Variants in MYO1A observed in about 807,000 individuals in gnomAD.
MYO1A encodes myosin IA, also known as unconventional myosin-Ia.
MYO1A carries 127 observed loss-of-function variants against 138.5 expected under a neutral mutation model. That is an observed-to-expected ratio of 0.92 (90% CI 0.79 to 1.06). The LOEUF is 1.06. Ranked by LOEUF, MYO1A falls within the 50% of genes least tolerant of loss-of-function variation. The probability of loss-of-function intolerance (pLI) is 0.00; values close to 1 mark genes in which losing one functional copy is unlikely to be tolerated. For missense variants in MYO1A, 1,211 were observed against 1,288.8 expected, an observed-to-expected ratio of 0.94 and a Z score of 0.92; for synonymous variants, 477 against 497.5, an observed-to-expected ratio of 0.96 and a Z score of 0.55.
Position 57,038,808 on chromosome 12 carries a change from C to T in MYO1A, c.1533+1G>A. The T allele has an allele frequency of 6.2e-7, 1 of 1,614,192 alleles. No homozygotes were observed. Among genetic ancestry groups the T allele is most frequent in the Non-Finnish European group, 8.5e-7 (1 of 1,180,034 alleles). ...TCTGCCCTCCAGCCCTGCCATTTCACCTTGCCCGCATAGTGGCAGATGCGG... is the reference window on the plus strand; with the variant it reads ...TCTGCCCTCCAGCCCTGCCATTTCATCTTGCCCGCATAGTGGCAGATGCGG... On this transcript the variant is annotated splice_donor_variant, in intron 16 of 27. Transcript: ENST00000300119. LOFTEE classifies it high-confidence loss of function.
chr12:57,039,055 G>T, intron 15 of MYO1A, 46 bp from the exon 16 acceptor site: 1 of 1,593,036 alleles, frequency 6.3e-7, no homozygotes, highest in East Asian at 2.3e-5. Flanking sequence ...CTGGTCCTCC[G>T]AGATGTCCAC....
In MYO1A at chr12:57,029,956, G is replaced by C. The variant is rs1317149595; in HGVS notation, c.2592-84C>G. On this transcript the variant is annotated intron_variant, in intron 24 of 27. Coordinates refer to ENST00000300119, the MANE Select transcript of MYO1A (RefSeq NM_005379.4). ...CAGAGTTCCCATCCTAGTCCTCCCGGGCCCTTCCCCCACATCCACGTATCC... is the reference window on the plus strand; with the variant it reads ...CAGAGTTCCCATCCTAGTCCTCCCGCGCCCTTCCCCCACATCCACGTATCC... 46 of 1,602,866 alleles carry C rather than the reference G, an allele frequency of 2.9e-5. No homozygotes were observed. In the East Asian group the frequency reaches 8.7e-4, roughly 30 times the overall value.
intron 8 of MYO1A, among the ~76,000 whole-genome samples, chr12:57,044,875 A>G (rs2031026933): frequency 6.6e-6 from 1 of 152,198 alleles, no homozygotes; most frequent in Non-Finnish European, 1.5e-5. Context: ...CGGTGAAGGT[A>G]AGGGGAGAAG....
chr12:57,036,436 A>AATC (rs2030550225), intron 21 of MYO1A, 55 bp from the exon 22 acceptor site: 3 of 1,550,288 alleles, frequency 1.9e-6, no homozygotes, highest in Non-Finnish European at 2.7e-6. Flanking sequence ...ATTCTAGAAG[A>AATC]GGTTGTACTA....
intron 22 of MYO1A, among the ~76,000 whole-genome samples, chr12:57,032,992 G>GAC (rs1013842382): frequency 1.3e-5 from 2 of 152,018 alleles, no homozygotes; most frequent in East Asian, 3.9e-4. Context: ...TGTGTGCTCT[G>GAC]ACACACACAC....
At chr12:57,034,744 G>A (rs1209734682) in intron 22 of MYO1A, among the ~76,000 whole-genome samples, 3 of 152,052 alleles carry the variant, frequency 2.0e-5, no homozygotes, top group African/African-American at 7.3e-5. Context: ...CGAGATGGGC[G>A]GGTCACTTGA....
chr12:57,043,828 A>G (rs1224733139), intron 10 of MYO1A, 28 bp downstream of exon 10: 5 of 1,613,980 alleles, frequency 3.1e-6, no homozygotes, highest in Non-Finnish European at 4.2e-6. Flanking sequence ...GGGTCTGGGT[A>G]GGAGCTCCAG....
chr12:57,048,201 G>A lies in MYO1A; in HGVS notation c.114+9C>T, dbSNP rs2031202017. On this transcript the variant is annotated intron_variant, in intron 2 of 27. Transcript: ENST00000300119. ...TATCCACAGCCAGAGGCACCCATAT[G>A]ACACTCACATAAATCTCCTTGTTTT... 1.2e-6 allele frequency: 2 copies of A among 1,610,502 alleles called. No homozygotes were observed. Among genetic ancestry groups the A allele is most frequent in the African/African-American group, 1.3e-5 (1 of 74,856 alleles).
intron 14 of MYO1A, among the ~76,000 whole-genome samples, chr12:57,039,600 T>C (rs1371752431): frequency 6.6e-6 from 1 of 151,866 alleles, no homozygotes; most frequent in African/African-American, 2.4e-5. Flanking sequence ...TGTGTGGGAG[T>C]GGGGAAGGAT....
chr12:57,032,335 A>G (rs2030325475), intron 22 of MYO1A, among the ~76,000 whole-genome samples: 1 of 152,214 alleles, frequency 6.6e-6, no homozygotes, highest in African/African-American at 2.4e-5. Flanking sequence ...GTACTGGGAC[A>G]TAACAGTGAA....
In MYO1A at chr12:57,028,708, G is replaced by C; in HGVS notation, c.*47C>G. ...CACAGGAGGGCAGAGGGGGATTAGT[G>C]CTGGTTCAGGAGGAAGCAACTGCCA... On this transcript the variant is annotated 3_prime_UTR_variant, in exon 28 of 28. Transcript: ENST00000300119. 1 of 1,610,842 alleles carries C rather than the reference G, an allele frequency of 6.2e-7. No individual in the cohort carries two copies. Among genetic ancestry groups the C allele is most frequent in the Non-Finnish European group, 8.5e-7 (1 of 1,178,206 alleles).
At position 57,048,339 on chromosome 12, in the gene MYO1A, T is replaced by C; in HGVS notation, c.-16A>G. ...GGAGAGGCATGTCCAGAGGGGCCAC[T>C]GATCCTGGGAATAAGAGGCACAGTT... On this transcript the variant is annotated 5_prime_UTR_variant, in exon 2 of 28. Transcript: ENST00000300119. The C allele has an allele frequency of 6.3e-7, 1 of 1,581,734 alleles. No individual in the cohort carries two copies. Among genetic ancestry groups the C allele is most frequent in the Non-Finnish European group, 8.7e-7 (1 of 1,150,668 alleles).
At position 57,031,968 on chromosome 12, in the gene MYO1A, G is replaced by A. The variant is rs139686309; in HGVS notation, c.2350-794C>T. Among the ~76,000 whole-genome samples, 9 of 152,164 alleles carry A rather than the reference G, an allele frequency of 5.9e-5. No individual in the cohort carries two copies. In the South Asian group the frequency reaches 1.2e-3, roughly 21 times the overall value. On this transcript the variant is annotated intron_variant, in intron 22 of 27. Transcript: ENST00000300119. ...ACACTTAAGAGCCCAGCCTCATGTC[G>A]CAGGACCCCTGCATTCCCTGGGCAC... is the stretch of plus-strand genomic sequence containing the variant.
rs1376974336 is a variant in MYO1A, at chr12:57,048,221, T to C, written c.103A>G (p.Lys35Glu). 1.2e-6 allele frequency: 2 copies of C among 1,613,924 alleles called. No individual in the cohort carries two copies. Among genetic ancestry groups the C allele is most frequent in the South Asian group, 1.1e-5 (1 of 91,074 alleles). The change falls in exon 2 of 28, where the codon AAG (lysine) becomes GAG (glutamate). Residue 35 changes from lysine to glutamate, a missense_variant. Transcript: ENST00000300119. ...CATATGACACTCACATAAATCTCCTTGTTTTCATAGCGAAGCTGAAGATTC... is the reference window on the plus strand; with the variant it reads ...CATATGACACTCACATAAATCTCCTCGTTTTCATAGCGAAGCTGAAGATTC... ...LKNLQLRYENKEIYTYIGNVV... is the reference protein window; with the variant it reads ...LKNLQLRYENEEIYTYIGNVV...
intron 1 of MYO1A, among the ~76,000 whole-genome samples, 197 bp from the exon 2 acceptor site, chr12:57,048,540 G>A (rs1466610369): frequency 6.6e-6 from 1 of 152,174 alleles, no homozygotes; most frequent in Non-Finnish European, 1.5e-5. Flanking sequence ...AGGAGGTGGG[G>A]GAGATCCTCT....
chr12:57,029,988 A>G (rs2030195562), intron 24 of MYO1A, 116 bp from the exon 25 acceptor site: 11 of 1,519,762 alleles, frequency 7.2e-6, no homozygotes, highest in Non-Finnish European at 1.0e-5. Flanking sequence ...ATCCTCTGTC[A>G]GTGTCCACAG....
intron 10 of MYO1A, 70 bp downstream of exon 10, chr12:57,043,777 CTAGAGATGG>C (rs1310988019): frequency 6.3e-7 from 1 of 1,591,234 alleles, no homozygotes; most frequent in African/African-American, 1.3e-5. Context: ...ATCAATTATG[CTAGAGATGG>C]TAGAAGGACA....
chr12:57,047,251 T>A, intron 5 of MYO1A, 52 bp downstream of exon 5: 1 of 1,588,422 alleles, frequency 6.3e-7, no homozygotes, highest in Non-Finnish European at 8.6e-7. Flanking sequence ...TAGGGCTCAG[T>A]GATTCTGGGG....
At chr12:57,036,136 C>G (rs940600924) in intron 22 of MYO1A, among the ~76,000 whole-genome samples, 171 bp downstream of exon 22, 2 of 152,222 alleles carry the variant, frequency 1.3e-5, no homozygotes, top group Non-Finnish European at 2.9e-5. Flanking sequence ...GAGTCCAAGG[C>G]ACTGGGGCCT....
Sources: gnomAD v4.1 joint callset for allele counts (sites outside exome capture counted in the v4.1 genomes callset) on GRCh38, gnomAD v4.1.1 for gene constraint, MANE v1.5 for transcripts, NCBI Gene and HGNC (gene_info 2026-07-23, HGNC 2026-07-21) for gene names.